The following ZNF577 variants were observed in gnomAD, a reference collection of about 807,000 sequenced individuals.
The protein encoded by ZNF577 is zinc finger protein 577.
Under a neutral mutation model 13.9 loss-of-function variants are expected in ZNF577, and 14 were observed. That is an observed-to-expected ratio of 1.00 (90% CI 0.66 to 1.57). ZNF577 has a LOEUF of 1.57. Among genes scored for constraint, ZNF577 ranks in the 40% most tolerant of loss-of-function variants. The probability of loss-of-function intolerance (pLI) is 0.00; values close to 1 mark genes in which losing one functional copy is unlikely to be tolerated. For synonymous variants in ZNF577, 203 were observed against 202.9 expected (o/e 1.00, Z 0.00); for missense variants, 555 against 579.2 (o/e 0.96, Z 0.43).
At chr19:51,850,702 G>A (rs183470911) in intron 5 of ZNF577, among the ~76,000 whole-genome samples, 20 of 152,334 alleles carry the variant, frequency 1.3e-4, no homozygotes, top group Admixed American at 3.9e-4. Flanking sequence ...CAAATTTACA[G>A]TTGGTATTAT....
downstream of ZNF577, among the ~76,000 whole-genome samples, chr19:51,866,630 C>T (rs927782005): frequency 6.6e-6 from 1 of 152,142 alleles, no homozygotes; most frequent in Admixed American, 6.5e-5. Flanking sequence ...AGCTGCTAAA[C>T]GTTTGTGAGA....
At chr19:51,851,180 C>T (rs2084377119) in intron 5 of ZNF577, among the ~76,000 whole-genome samples, 1 of 151,990 alleles carries the variant, frequency 6.6e-6, no homozygotes, top group Non-Finnish European at 1.5e-5. Context: ...TGGTCAAATA[C>T]CAATTATAAG....
chr19:51,879,068 T>C lies in ZNF577; in HGVS notation c.61-553A>G, dbSNP rs553277156. On this transcript the variant is annotated intron_variant, in intron 3 of 5. Transcript: ENST00000638348. The stretch of plus-strand genomic sequence containing the variant: ...GTCGGGAGATTAAGACTATCCTGGC[T>C]AACACAGTGAAACCCCATCTCCACT... 9.9e-5 allele frequency among the ~76,000 whole-genome samples: 15 copies of C among 151,612 alleles called. No homozygotes were observed. The South Asian group carries it at 2.9e-3, about 29-fold the overall frequency.
At chr19:51,835,485 T>C (rs1432857312) in intron 9 of ZNF577, among the ~76,000 whole-genome samples, 1 of 150,718 alleles carries the variant, frequency 6.6e-6, no homozygotes, top group Non-Finnish European at 1.5e-5. Context: ...AGAAGTAACA[T>C]CAGTCTTACA....
intron 5 of ZNF577, chr19:51,860,834 CTGTA>C: frequency 3.0e-6 from 1 of 334,766 alleles, no homozygotes; most frequent in Non-Finnish European, 5.6e-6. Context: ...ATCACATTCA[CTGTA>C]TCTATGAGAT....
At chr19:51,877,680 G>A (rs1055300512) in intron 4 of ZNF577, 3 of 244,952 alleles carry the variant, frequency 1.2e-5, no homozygotes, top group African/African-American at 6.8e-5. Context: ...ATGTAAAATG[G>A]TACTGACATT....
Position 51,871,596 on chromosome 19 carries a change from C to G in ZNF577, c.*936G>C, listed in dbSNP as rs2084660859. 6.6e-6 allele frequency: 1 copy of G among 152,144 alleles called. No individual in the cohort carries two copies. Among genetic ancestry groups the G allele is most frequent in the East Asian group, 1.9e-4 (1 of 5,198 alleles). The allele number at this position is 152,144 out of a possible 1,614,324, so 9.4% of individuals were successfully genotyped here. A position where few individuals can be genotyped will look rare whatever the true frequency, so the allele number is the denominator to read the frequency against. On this transcript the variant is annotated 3_prime_UTR_variant, in exon 6 of 6. Transcript: ENST00000638348. ...TATAACAATCATAGCATAAGATTCTCTGATTATAGAATAAAATCTTAACAT... is the reference window on the plus strand; with the variant it reads ...TATAACAATCATAGCATAAGATTCTGTGATTATAGAATAAAATCTTAACAT...
At chr19:51,857,446 G>A (rs999633248) in intron 5 of ZNF577, among the ~76,000 whole-genome samples, 3 of 150,836 alleles carry the variant, frequency 2.0e-5, no homozygotes, top group Admixed American at 6.6e-5. Context: ...AACAAAGAAA[G>A]GAAGGAGAAG....
At chr19:51,830,883 C>T (rs542242196) in intron 9 of ZNF577, among the ~76,000 whole-genome samples, 9 of 152,224 alleles carry the variant, frequency 5.9e-5, no homozygotes, top group Admixed American at 2.0e-4. Flanking sequence ...TCCCCCTAAA[C>T]ATCCATCATA....
chr19:51,810,937 G>C (rs534357239), intron 10 of ZNF577, among the ~76,000 whole-genome samples: 6 of 152,172 alleles, frequency 3.9e-5, no homozygotes, highest in Non-Finnish European at 8.8e-5. Context: ...AAAATTCTTT[G>C]TATTGGGGTC....
At chr19:51,815,477 T>C (rs1340718785) in intron 9 of ZNF577, among the ~76,000 whole-genome samples, 1 of 151,806 alleles carries the variant, frequency 6.6e-6, no homozygotes, top group African/African-American at 2.4e-5. Flanking sequence ...GGAGAATTGC[T>C]TGAACTGCTT....
At chr19:51,849,220 A>G (rs1232928801) in intron 5 of ZNF577, among the ~76,000 whole-genome samples, 1 of 152,202 alleles carries the variant, frequency 6.6e-6, no homozygotes, top group Admixed American at 6.5e-5. Context: ...GGTTGCGCAT[A>G]CAAAACAGGT....
intron 9 of ZNF577, among the ~76,000 whole-genome samples, chr19:51,837,043 C>CAAAAAA (rs766829761): frequency 7.7e-5 from 6 of 77,542 alleles, no homozygotes; most frequent in East Asian, 3.8e-4. Flanking sequence ...GACTCTGTCT[C>CAAAAAA]AAAAAAAAAA....
chr19:51,836,860 A>T (rs1568436657), intron 9 of ZNF577, among the ~76,000 whole-genome samples: 1 of 152,082 alleles, frequency 6.6e-6, no homozygotes, highest in Non-Finnish European at 1.5e-5. Context: ...CATAGGCAAC[A>T]TGGTGAAATC....
intron 6 of ZNF577, among the ~76,000 whole-genome samples, chr19:51,844,559 T>A (rs940952512): frequency 6.6e-6 from 1 of 152,250 alleles, no homozygotes; most frequent in Non-Finnish European, 1.5e-5. Flanking sequence ...GGCAATTGTC[T>A]AATTATTAGC....
intron 9 of ZNF577, among the ~76,000 whole-genome samples, chr19:51,817,479 G>T (rs1599838358): frequency 6.6e-6 from 1 of 151,334 alleles, no homozygotes; most frequent in South Asian, 2.1e-4. Context: ...CCTTACAAAA[G>T]AAGTAACGTA....
chr19:51,830,040 T>C (rs2084254038), intron 9 of ZNF577, among the ~76,000 whole-genome samples: 1 of 152,168 alleles, frequency 6.6e-6, no homozygotes, highest in African/African-American at 2.4e-5. Flanking sequence ...TCTAGGAGTT[T>C]TATAATTTTG....
At position 51,854,173 on chromosome 19, in the gene ZNF577, G is replaced by A. The variant is rs532005996; in HGVS notation, c.284-9242C>T. 3.3e-5 allele frequency among the ~76,000 whole-genome samples: 5 copies of A among 152,204 alleles called. No individual in the cohort carries two copies. The East Asian group carries it at 9.7e-4, about 29-fold the overall frequency. On this transcript the variant is annotated intron_variant and NMD_transcript_variant, in intron 5 of 10. Transcript: ENST00000638827. ...GTTTTCTGTGTAGCAGAAAATCCAC[G>A]AATAAAGTAGAGGTTCTGTCTATCA...
rs1170022401 is a variant in ZNF577, at chr19:51,852,278, T to G, written c.284-7347A>C. Among the ~76,000 whole-genome samples, 3 of 152,236 alleles carry G rather than the reference T, an allele frequency of 2.0e-5. 1 individual carries two copies. In the South Asian group the frequency reaches 6.2e-4, roughly 32 times the overall value. ...CGTGCTGGCCATTCTTTTGGGCTAA[T>G]GGGCTGCCTCTGAGAGGAAAGAAAC... is the stretch of plus-strand genomic sequence containing the variant. On this transcript the variant is annotated intron_variant and NMD_transcript_variant, in intron 5 of 10. Coordinates refer to the ZNF577 transcript ENST00000638827.
Sources: allele counts gnomAD v4.1 joint callset (sites outside exome capture counted in the v4.1 genomes callset), GRCh38; gene constraint gnomAD v4.1.1; transcripts MANE v1.5; gene names NCBI Gene and HGNC (gene_info 2026-07-23, HGNC 2026-07-21).